Variants in TBX15 observed in about 807,000 individuals in gnomAD.
The protein encoded by TBX15 is T-box transcription factor 15, also known as T-box transcription factor TBX15.
Under a neutral mutation model 53.9 loss-of-function variants are expected in TBX15, and 18 were observed. The ratio of observed to expected loss-of-function variants is 0.33; its 90% CI spans 0.23 to 0.49. The LOEUF (loss-of-function observed/expected upper bound fraction) is 0.49, where lower values mean the gene tolerates loss of function less well. TBX15 is among the 20% of genes least tolerant of loss of function. The probability of loss-of-function intolerance (pLI) is 0.98; values close to 1 mark genes in which losing one functional copy is unlikely to be tolerated. For synonymous variants in TBX15, 295 were observed against 278.0 expected (o/e 1.06, Z -0.61); for missense variants, 692 against 749.5 (o/e 0.92, Z 0.90).
At chr1:118,910,520 A>G (rs115232378) in intron 6 of TBX15, among the ~76,000 whole-genome samples, 2,165 of 152,288 alleles carry the variant, frequency 0.014, 45 homozygotes, top group African/African-American at 0.05. Flanking sequence ...CAGTTCCCAG[A>G]AGATTTGCAA....
intron 6 of TBX15, among the ~76,000 whole-genome samples, chr1:118,899,360 A>C (rs1367690424): frequency 6.6e-6 from 1 of 152,192 alleles, no homozygotes; most frequent in Non-Finnish European, 1.5e-5. Flanking sequence ...CTATGATGGA[A>C]TTTTATTCTG....
chr1:118,913,716 A>AT (rs1231313814), intron 6 of TBX15, among the ~76,000 whole-genome samples: 1 of 152,172 alleles, frequency 6.6e-6, no homozygotes, highest in Non-Finnish European at 1.5e-5. Context: ...TAAGGTAGTA[A>AT]TTTTCTGAAA....
At chr1:118,989,067 C>T (rs1657949877), upstream of TBX15, among the ~76,000 whole-genome samples, 1 of 152,226 alleles carries the variant, frequency 6.6e-6, no homozygotes, top group Non-Finnish European at 1.5e-5. Flanking sequence ...CAAATACTCT[C>T]TTTCCCTACG....
intron 1 of TBX15, among the ~76,000 whole-genome samples, chr1:118,936,466 G>A (rs989054514): frequency 2.0e-5 from 3 of 151,930 alleles, no homozygotes; most frequent in Non-Finnish European, 4.4e-5. Flanking sequence ...TCAGCAGTGG[G>A]ATCTTTAAAA....
At chr1:118,909,381 A>G (rs1201136975) in intron 6 of TBX15, among the ~76,000 whole-genome samples, 2 of 152,204 alleles carry the variant, frequency 1.3e-5, no homozygotes, top group African/African-American at 4.8e-5. Context: ...GACTTTCCAC[A>G]TAATGAAAAG....
At chr1:118,983,323 A>G (rs912289215) in intron 1 of TBX15, among the ~76,000 whole-genome samples, 58 of 152,330 alleles carry the variant, frequency 3.8e-4, no homozygotes, top group African/African-American at 1.4e-3. Context: ...GGGTGGGAAC[A>G]GGTTACAATT....
intron 6 of TBX15, chr1:118,901,351 A>T (rs1331243762): frequency 2.2e-6 from 1 of 456,598 alleles, no homozygotes; most frequent in Non-Finnish European, 4.4e-6. Flanking sequence ...CTCCTGTGTT[A>T]ATTAGCCATT....
At chr1:118,967,428 C>CAAACAA (rs1317355884) in intron 1 of TBX15, among the ~76,000 whole-genome samples, 1 of 152,096 alleles carries the variant, frequency 6.6e-6, no homozygotes, top group East Asian at 1.9e-4. Flanking sequence ...GGCAATATTT[C>CAAACAA]AAACAAAATG....
Position 118,923,553 on chromosome 1 carries a change from G to A in TBX15, c.744C>T (p.Arg248=), listed in dbSNP as rs1169390767. The change falls in exon 5 of 8, where the codon CGC becomes CGT. Residue 248 remains arginine (R), a synonymous_variant. Transcript: ENST00000369429. ...HKYQPRVHVI[R]KDFSSDLSPT... is the part of the protein sequence containing the mutation. The stretch of plus-strand genomic sequence containing the variant: ...GTGAAAGGTCACTGCTGAAGTCTTT[G>A]CGAATCACATGAACTCGAGGCTGGT... 15 of 1,613,882 alleles carry A rather than the reference G, an allele frequency of 9.3e-6. No individual in the cohort carries two copies. The highest frequency in any genetic ancestry group is 1.1e-5 in the Non-Finnish European group (13 of 1,179,936).
intron 1 of TBX15, among the ~76,000 whole-genome samples, chr1:118,977,797 T>G (rs982303472): frequency 1.3e-5 from 2 of 152,228 alleles, no homozygotes; most frequent in African/African-American, 4.8e-5. Context: ...GCGTTTTGCC[T>G]GTTACTAAGT....
At chr1:118,915,994 T>C (rs2101569711) in intron 5 of TBX15, among the ~76,000 whole-genome samples, 1 of 152,358 alleles carries the variant, frequency 6.6e-6, no homozygotes, top group Admixed American at 6.5e-5. Flanking sequence ...GTACACTTGT[T>C]TTAAAGCTTT....
chr1:118,971,174 A>C (rs767018425), intron 1 of TBX15, among the ~76,000 whole-genome samples: 19 of 152,224 alleles, frequency 1.2e-4, no homozygotes, highest in Non-Finnish European at 2.6e-4. Flanking sequence ...CTAACACCTC[A>C]TCAGGCAAAA....
At chr1:118,912,565 C>A (rs927206246) in intron 6 of TBX15, among the ~76,000 whole-genome samples, 1 of 152,022 alleles carries the variant, frequency 6.6e-6, no homozygotes, top group Non-Finnish European at 1.5e-5. Context: ...AGGCTAGCTT[C>A]ATTTTTGATC....
At chr1:118,959,844 A>G (rs896246952) in intron 1 of TBX15, among the ~76,000 whole-genome samples, 2 of 152,180 alleles carry the variant, frequency 1.3e-5, no homozygotes, top group African/African-American at 4.8e-5. Flanking sequence ...TTAGGAGCCA[A>G]TTTCTCCTCC....
At chr1:118,942,981 G>A (rs560894582) in intron 1 of TBX15, among the ~76,000 whole-genome samples, 3 of 152,200 alleles carry the variant, frequency 2.0e-5, no homozygotes, top group South Asian at 2.1e-4. Flanking sequence ...TTCCAGAGTC[G>A]CTAAGAAGTA....
chr1:118,885,058 T>C lies in TBX15; in HGVS notation c.1483A>G (p.Met495Val), dbSNP rs757802439. 10 of 1,614,056 alleles carry C rather than the reference T, an allele frequency of 6.2e-6. No individual in the cohort carries two copies. The Admixed American group carries it at 1.2e-4, about 19-fold the overall frequency. The change falls in exon 8 of 8, where the codon ATG becomes GTG. Residue 495 changes from methionine to valine, a missense_variant. Met to Val is a conservative substitution (Grantham distance 21, BLOSUM62 1). Transcript: ENST00000369429. ...TGCTGCATGTGGCTGCCCCCGAACATGTGTGGTGATGAGGAGCTGGAGGCA... is the reference window on the plus strand; with the variant it reads ...TGCTGCATGTGGCTGCCCCCGAACACGTGTGGTGATGAGGAGCTGGAGGCA... ...NAASSSSSPHMFGGSHMQQSS... is the reference protein window; with the variant it reads ...NAASSSSSPHVFGGSHMQQSS...
chr1:118,970,525 A>C (rs1395093913), intron 1 of TBX15, among the ~76,000 whole-genome samples: 1 of 152,244 alleles, frequency 6.6e-6, no homozygotes, highest in Non-Finnish European at 1.5e-5. Context: ...ATCTCTTTCC[A>C]AGCAGCAGCA....
At chr1:118,928,908 A>G (rs891801614) in intron 2 of TBX15, among the ~76,000 whole-genome samples, 1 of 152,228 alleles carries the variant, frequency 6.6e-6, no homozygotes, top group African/African-American at 2.4e-5. Context: ...GATAATCTCT[A>G]CAGTGCCCCC....
chr1:118,988,170 T>C lies in TBX15; in HGVS notation c.-375A>G, dbSNP rs78392879. 1.1e-5 allele frequency: 2 copies of C among 179,640 alleles called. No homozygotes were observed. The highest frequency in any genetic ancestry group is 1.4e-4 in the South Asian group (1 of 6,918). 11.1% of individuals were successfully genotyped at this position (179,640 alleles called of 1,614,324 possible). On this transcript the variant is annotated 5_prime_UTR_variant, in exon 1 of 8. Coordinates refer to ENST00000369429, the MANE Select transcript of TBX15 (RefSeq NM_001330677.2). ...TCTCCTCTCTCTCTCTCTCTCTCTCTCCCCTCCCTCTCTTTTTCTCTCCTC... is the reference window on the plus strand; with the variant it reads ...TCTCCTCTCTCTCTCTCTCTCTCTCCCCCCTCCCTCTCTTTTTCTCTCCTC...
Sources: allele counts gnomAD v4.1 joint callset (sites outside exome capture counted in the v4.1 genomes callset), GRCh38; gene constraint gnomAD v4.1.1; transcripts MANE v1.5; gene names NCBI Gene and HGNC (gene_info 2026-07-23, HGNC 2026-07-21).